The following NEURL1B variants were observed in gnomAD, a reference collection of about 807,000 sequenced individuals.
NEURL1B encodes E3 ubiquitin-protein ligase NEURL1B.
In NEURL1B, 13 loss-of-function variants were observed where a neutral mutation model predicts 37.4. The ratio of observed to expected loss-of-function variants is 0.35; its 90% CI spans 0.23 to 0.55. NEURL1B has a LOEUF of 0.55. NEURL1B is among the 20% of genes least tolerant of loss of function. The probability of loss-of-function intolerance (pLI) is 0.89; values close to 1 mark genes in which losing one functional copy is unlikely to be tolerated. For missense variants in NEURL1B, 790 were observed against 879.2 expected, an observed-to-expected ratio of 0.90 and a Z score of 1.28; for synonymous variants, 432 against 426.6, an observed-to-expected ratio of 1.01 and a Z score of -0.16.
Position 172,670,020 on chromosome 5 carries a change from G to T in NEURL1B, c.267G>T (p.Val89=), listed in dbSNP as rs897588825. ...YEQVRLRLVA[V]RPGWSGALRF... ...AGGTGCGGCTGCGCCTGGTGGCCGT[G>T]CGCCCTGGCTGGAGCGGCGCGCTGC... The change falls in exon 2 of 5, where the codon GTG becomes GTT. Residue 89 remains valine (V), a synonymous_variant. Transcript: ENST00000369800. The T allele has an allele frequency of 6.7e-7, 1 of 1,492,742 alleles. No homozygotes were observed. 92.5% of individuals were successfully genotyped at this position (1,492,742 alleles called of 1,614,324 possible).
At position 172,687,856 on chromosome 5, in the gene NEURL1B, A is replaced by G. The variant is rs1466184351; in HGVS notation, c.*931A>G. ...CTGGAAAGCCCACTCCACGATGCAG[A>G]CAGCTCTCTACCTTCCTGTGGTGGC... On this transcript the variant is annotated 3_prime_UTR_variant, in exon 5 of 5. Coordinates refer to ENST00000369800, the MANE Select transcript of NEURL1B (RefSeq NM_001142651.3). 1 of 152,182 alleles carries G rather than the reference A, an allele frequency of 6.6e-6. No individual in the cohort carries two copies. Among genetic ancestry groups the G allele is most frequent in the Non-Finnish European group, 1.5e-5 (1 of 68,028 alleles). The allele number at this position is 152,182 out of a possible 1,614,324, so 9.4% of individuals were successfully genotyped here.
At chr5:172,643,042 G>A (rs1407199348) in intron 1 of NEURL1B, among the ~76,000 whole-genome samples, 2 of 152,312 alleles carry the variant, frequency 1.3e-5, no homozygotes, top group African/African-American at 4.8e-5. Flanking sequence ...CCTGGGGTGC[G>A]TAAAGGGACA....
chr5:172,654,448 G>A (rs553249168), intron 1 of NEURL1B, among the ~76,000 whole-genome samples: 98 of 152,246 alleles, frequency 6.4e-4, no homozygotes, highest in South Asian at 1.2e-3. Flanking sequence ...AGACCTTTGC[G>A]TGGTAATTAA....
intron 2 of NEURL1B, among the ~76,000 whole-genome samples, chr5:172,677,595 CA>C (rs1758255069): frequency 6.6e-6 from 1 of 152,180 alleles, no homozygotes; most frequent in Admixed American, 6.5e-5. Context: ...GGTCATGCCC[CA>C]GCACACCAAG....
At chr5:172,684,868 A>G (rs749485778) in intron 3 of NEURL1B, among the ~76,000 whole-genome samples, 17 of 152,168 alleles carry the variant, frequency 1.1e-4, no homozygotes, top group Non-Finnish European at 2.5e-4. Context: ...GGAGTGAAGG[A>G]GATGTTCAGA....
chr5:172,641,263 C>G lies in NEURL1B; in HGVS notation c.-144C>G, dbSNP rs906115673. On this transcript the variant is annotated 5_prime_UTR_variant, in exon 1 of 5. Coordinates refer to ENST00000369800, the MANE Select transcript of NEURL1B (RefSeq NM_001142651.3). The surrounding 1 kb of genome is among the most constrained non-coding windows in gnomAD (Gnocchi z 6.4). The stretch of plus-strand genomic sequence containing the variant: ...CGCCGCCGCCGCCTCCCTCCCGGCT[C>G]CCGCCCCAGCTGCCGCCCGCCGGCT... 2.7e-5 allele frequency: 18 copies of G among 675,938 alleles called. No individual in the cohort carries two copies. The South Asian group carries it at 5.8e-4, about 22-fold the overall frequency. The allele number at this position is 675,938 out of a possible 1,614,324, so 41.9% of individuals were successfully genotyped here.
chr5:172,644,244 G>A (rs945534785), intron 1 of NEURL1B, among the ~76,000 whole-genome samples: 2 of 152,114 alleles, frequency 1.3e-5, no homozygotes, highest in African/African-American at 4.8e-5. Context: ...TGCAATGTAG[G>A]CATTATCATC....
chr5:172,676,418 G>T lies in NEURL1B; in HGVS notation c.577+6088G>T, dbSNP rs777561862. 8.5e-5 allele frequency among the ~76,000 whole-genome samples: 13 copies of T among 152,208 alleles called. No homozygotes were observed. The highest frequency in any genetic ancestry group is 1.6e-4 in the Non-Finnish European group (11 of 68,048). On this transcript the variant is annotated intron_variant, in intron 2 of 4. Coordinates refer to ENST00000369800, the MANE Select transcript of NEURL1B (RefSeq NM_001142651.3). The surrounding 1 kb of genome is among the most constrained non-coding windows in gnomAD (Gnocchi z 4.5). ...CAACAGAAGAGCTGCTTTCCTAGAA[G>T]TCTGCCTGTCATCTCTAGATGTAGC... is the stretch of plus-strand genomic sequence containing the variant.
chr5:172,653,360 C>G (rs934899455), intron 1 of NEURL1B, among the ~76,000 whole-genome samples: 2 of 152,102 alleles, frequency 1.3e-5, no homozygotes, highest in African/African-American at 4.8e-5. Context: ...ACCAGATAAG[C>G]TAAATTTCAC....
chr5:172,642,867 C>G (rs995973358), intron 1 of NEURL1B, among the ~76,000 whole-genome samples: 3 of 152,188 alleles, frequency 2.0e-5, no homozygotes, highest in African/African-American at 7.2e-5. Context: ...AACCCACCCG[C>G]GGGTCAGGAG....
chr5:172,671,637 G>A (rs138138752), intron 2 of NEURL1B, among the ~76,000 whole-genome samples: 12 of 152,292 alleles, frequency 7.9e-5, no homozygotes, highest in South Asian at 2.1e-4. Context: ...TCAGTAGTTC[G>A]TTCCTTTTTA....
chr5:172,669,229 G>C (rs1222659560), intron 1 of NEURL1B, among the ~76,000 whole-genome samples: 1 of 152,198 alleles, frequency 6.6e-6, no homozygotes, highest in Non-Finnish European at 1.5e-5. Context: ...TCCCACCTAG[G>C]AAGTGCCAGA....
At chr5:172,679,109 G>A (rs1240102839) in intron 2 of NEURL1B, among the ~76,000 whole-genome samples, 6 of 152,248 alleles carry the variant, frequency 3.9e-5, no homozygotes, top group Middle Eastern at 3.2e-3. Context: ...AACTTTGGCC[G>A]GAGGCCAAGT....
intron 2 of NEURL1B, among the ~76,000 whole-genome samples, chr5:172,670,931 G>A (rs142127837): frequency 4.6e-4 from 70 of 152,352 alleles, no homozygotes; most frequent in Non-Finnish European, 8.1e-4. Context: ...TGGGGAGGCT[G>A]ACAGGTGTGA....
chr5:172,683,405 C>T lies in NEURL1B; in HGVS notation c.578-14C>T, dbSNP rs1455017379. ...GGCCTCTCCCCCTCCATGTCCCTCC[C>T]TTTGTCCGCACAGAGAGCGCCTTCG... On this transcript the variant is annotated splice_polypyrimidine_tract_variant and intron_variant, in intron 2 of 4. Transcript: ENST00000369800. This position sits in a 1 kb window ranked among gnomAD's most constrained non-coding sequence, Gnocchi z 5.6. The T allele has an allele frequency of 3.8e-6, 5 of 1,326,510 alleles. No individual in the cohort carries two copies. The highest frequency in any genetic ancestry group is 4.8e-6 in the Non-Finnish European group (5 of 1,031,916). 82.2% of individuals were successfully genotyped at this position (1,326,510 alleles called of 1,614,324 possible).
chr5:172,649,100 C>G (rs992598963), intron 1 of NEURL1B, among the ~76,000 whole-genome samples: 1 of 152,140 alleles, frequency 6.6e-6, no homozygotes, highest in African/African-American at 2.4e-5. Context: ...AGAGCAGATT[C>G]CAATTCAACC....
intron 1 of NEURL1B, among the ~76,000 whole-genome samples, chr5:172,642,881 T>C (rs1166016428): frequency 6.6e-6 from 1 of 152,172 alleles, no homozygotes; most frequent in Non-Finnish European, 1.5e-5. Context: ...TCAGGAGATA[T>C]CTGGGGATGT....
rs1758645907 is a variant in NEURL1B at position 172,691,068 on chromosome 5, C to G, written c.*4143C>G. The G allele has an allele frequency of 6.6e-6, 1 of 152,180 alleles. No homozygotes were observed. Among genetic ancestry groups the G allele is most frequent in the Admixed American group, 6.5e-5 (1 of 15,284 alleles). 9.4% of individuals were successfully genotyped at this position (152,180 alleles called of 1,614,324 possible). On this transcript the variant is annotated 3_prime_UTR_variant, in exon 5 of 5. Coordinates refer to ENST00000369800, the MANE Select transcript of NEURL1B (RefSeq NM_001142651.3). ...ACTGTCTCGCTGTCTTATCCGAGTCCCTAATGAAACGACTTGTGTGACAAT... is the reference window on the plus strand; with the variant it reads ...ACTGTCTCGCTGTCTTATCCGAGTCGCTAATGAAACGACTTGTGTGACAAT...
At chr5:172,672,653 G>C (rs1184807392) in intron 2 of NEURL1B, among the ~76,000 whole-genome samples, 1 of 151,820 alleles carries the variant, frequency 6.6e-6, no homozygotes, top group Non-Finnish European at 1.5e-5. Context: ...GCAGACATGA[G>C]CCTCAGCTTC....
Sources: gnomAD v4.1 joint callset for allele counts (sites outside exome capture counted in the v4.1 genomes callset) on GRCh38, gnomAD v4.1.1 for gene constraint, Gnocchi (gnomAD v3.1) non-coding constraint, MANE v1.5 for transcripts, NCBI Gene and HGNC (gene_info 2026-07-23, HGNC 2026-07-21) for gene names.